The following EFEMP1 variants were observed in gnomAD, a reference collection of about 807,000 sequenced individuals.
EFEMP1 encodes the protein EGF-like fibulin extracellular matrix protein 1.
Under a neutral mutation model 65.7 loss-of-function variants are expected in EFEMP1, and 18 were observed. That is an observed-to-expected ratio of 0.27 (90% CI 0.19 to 0.41). EFEMP1 has a LOEUF of 0.41. EFEMP1 is among the 10% of genes least tolerant of loss of function. EFEMP1 has a pLI of 1.00. For synonymous variants in EFEMP1, 237 were observed against 219.7 expected (o/e 1.08, Z -0.70); for missense variants, 469 against 624.8 (o/e 0.75, Z 2.66).
At chr2:55,884,552 T>TTTTTGCCAAAAG (rs1379692795) in intron 5 of EFEMP1, among the ~76,000 whole-genome samples, 1 of 152,208 alleles carries the variant, frequency 6.6e-6, no homozygotes, top group African/African-American at 2.4e-5. Context: ...CTTCCCATAG[T>TTTTTGCCAAAAG]GCAAACACAG....
At chr2:55,920,324 A>T (rs1670869509) in intron 3 of EFEMP1, among the ~76,000 whole-genome samples, 1 of 152,230 alleles carries the variant, frequency 6.6e-6, no homozygotes, top group Non-Finnish European at 1.5e-5. Flanking sequence ...AATCTGTATA[A>T]TAGTATCATT....
chr2:55,907,779 C>T (rs1670336013), intron 5 of EFEMP1, among the ~76,000 whole-genome samples: 1 of 152,206 alleles, frequency 6.6e-6, no homozygotes. Flanking sequence ...TGTGGCTTCA[C>T]TCAAGGGAGT....
At chr2:55,916,711 G>A (rs1295932806) in intron 5 of EFEMP1, among the ~76,000 whole-genome samples, 2 of 152,168 alleles carry the variant, frequency 1.3e-5, no homozygotes, top group African/African-American at 4.8e-5. Context: ...TCAGCCTCTG[G>A]CAGGGAGAAA....
At position 55,873,906 on chromosome 2, in the gene EFEMP1, T is replaced by C. The variant is rs1356724053; in HGVS notation, c.1000+1040A>G. On this transcript the variant is annotated intron_variant, in intron 9 of 11. Transcript: ENST00000355426. This position sits in a 1 kb window ranked among gnomAD's most constrained non-coding sequence, Gnocchi z 4.6. Reference sequence around the variant, plus strand: ...AGGATCTTTATTGTCCTTGTGTGCCTTCACTCCAACTCTGATTAAAAAGGA... The same window carrying C: ...AGGATCTTTATTGTCCTTGTGTGCCCTCACTCCAACTCTGATTAAAAAGGA... Among the ~76,000 whole-genome samples, 1 of 151,842 alleles carries C rather than the reference T, an allele frequency of 6.6e-6. No individual in the cohort carries two copies. The highest frequency in any genetic ancestry group is 2.4e-5 in the African/African-American group (1 of 41,426).
intron 5 of EFEMP1, among the ~76,000 whole-genome samples, chr2:55,895,197 C>T (rs1435109087): frequency 6.6e-6 from 1 of 152,220 alleles, no homozygotes; most frequent in Non-Finnish European, 1.5e-5. Context: ...CCCAGGGCTC[C>T]AAGACCTGCC....
At chr2:55,875,459 T>C (rs1040234847) in intron 8 of EFEMP1, among the ~76,000 whole-genome samples, 4 of 151,784 alleles carry the variant, frequency 2.6e-5, no homozygotes, top group Non-Finnish European at 5.9e-5. Context: ...AATTCTGAAA[T>C]AGAAATACAA....
chr2:55,904,256 GT>G (rs1670155002), intron 5 of EFEMP1, among the ~76,000 whole-genome samples: 1 of 152,160 alleles, frequency 6.6e-6, no homozygotes, highest in Non-Finnish European at 1.5e-5. Flanking sequence ...AATAGCTTGA[GT>G]TTTTCATGAT....
At chr2:55,898,428 G>T (rs1462909188) in intron 5 of EFEMP1, among the ~76,000 whole-genome samples, 2 of 151,986 alleles carry the variant, frequency 1.3e-5, no homozygotes, top group African/African-American at 4.8e-5. Flanking sequence ...CCAGAAAATA[G>T]TCCTTACGTA....
intron 11 of EFEMP1, among the ~76,000 whole-genome samples, chr2:55,868,416 G>C (rs556357119): frequency 5.9e-5 from 9 of 152,244 alleles, no homozygotes; most frequent in Admixed American, 4.6e-4. Flanking sequence ...GGGCTATGAA[G>C]AATAATAGTA....
intron 5 of EFEMP1, among the ~76,000 whole-genome samples, chr2:55,901,346 G>A (rs1400367544): frequency 2.6e-5 from 4 of 152,222 alleles, no homozygotes; most frequent in African/African-American, 9.6e-5. Flanking sequence ...AAAATTACTT[G>A]TTGAGTGGAG....
At chr2:55,894,095 T>A (rs1669727852) in intron 5 of EFEMP1, among the ~76,000 whole-genome samples, 1 of 152,208 alleles carries the variant, frequency 6.6e-6, no homozygotes, top group South Asian at 2.1e-4. Flanking sequence ...AAAGGACTGT[T>A]GATGGCTACA....
At position 55,922,923 on chromosome 2, in the gene EFEMP1, C is replaced by T. The variant is rs1670956512; in HGVS notation, c.-32G>A. Reference sequence around the variant, plus strand: ...CCTTGAGCTAGCAGAGTTCCTTGCACAGCACAGCAAAAATACCTGTGAGCC... The same window carrying T: ...CCTTGAGCTAGCAGAGTTCCTTGCATAGCACAGCAAAAATACCTGTGAGCC... On this transcript the variant is annotated 5_prime_UTR_variant, in exon 2 of 12. In the 5' UTR this introduces an upstream ATG that the reference lacks. Transcript: ENST00000355426. This position sits in a 1 kb window ranked among gnomAD's most constrained non-coding sequence, Gnocchi z 5.5. 2 of 1,054,558 alleles carry T rather than the reference C, an allele frequency of 1.9e-6. No homozygotes were observed. The allele number at this position is 1,054,558 out of a possible 1,614,324, so 65.3% of individuals were successfully genotyped here.
In EFEMP1 at chr2:55,881,648, G is replaced by C; in HGVS notation, c.604C>G (p.Pro202Ala). The change falls in exon 6 of 12, where the codon CCT (proline) becomes GCT (alanine). Residue 202 changes from proline (P) to alanine (A), a missense_variant. Pro to Ala is a conservative substitution (Grantham distance 27). Coordinates refer to ENST00000355426, the MANE Select transcript of EFEMP1 (RefSeq NM_001039348.3). ...NLRGSFACQC[P>A]PGYQKRGEQC... ...TCCCCTCGCTTCTGATATCCAGGAG[G>C]GCACTGACATGCAAAGGATCCCCGT... 3 of 1,613,830 alleles carry C rather than the reference G, an allele frequency of 1.9e-6. No homozygotes were observed. The highest frequency in any genetic ancestry group is 2.5e-6 in the Non-Finnish European group (3 of 1,179,904).
chr2:55,916,692 T>C (rs900448332), intron 5 of EFEMP1, among the ~76,000 whole-genome samples: 2 of 152,184 alleles, frequency 1.3e-5, no homozygotes, highest in African/African-American at 4.8e-5. Flanking sequence ...CACTATGGGA[T>C]CTACCTAATC....
At chr2:55,879,187 G>T (rs982318837) in intron 6 of EFEMP1, among the ~76,000 whole-genome samples, 1 of 152,142 alleles carries the variant, frequency 6.6e-6, no homozygotes, top group African/African-American at 2.4e-5. Context: ...TTCTCCCCTT[G>T]AGGTGGAGGT....
Position 55,922,215 on chromosome 2 carries a change from T to C in EFEMP1, c.81+145A>G. On this transcript the variant is annotated intron_variant, in intron 3 of 11. Transcript: ENST00000355426. The surrounding 1 kb of genome is among the most constrained non-coding windows in gnomAD (Gnocchi z 5.5). ...CAAGGGGGCAATTTACAACGAATCT[T>C]AGATATGAAGCATGAATGAAGTGTT... is the stretch of plus-strand genomic sequence containing the variant. 1.3e-6 allele frequency: 1 copy of C among 787,170 alleles called. No individual in the cohort carries two copies. Among genetic ancestry groups the C allele is most frequent in the Non-Finnish European group, 2.2e-6 (1 of 463,736 alleles). The allele number at this position is 787,170 out of a possible 1,614,324, so 48.8% of individuals were successfully genotyped here.
At chr2:55,869,491 G>A (rs1668717421) in intron 11 of EFEMP1, among the ~76,000 whole-genome samples, 2 of 151,936 alleles carry the variant, frequency 1.3e-5, no homozygotes, top group African/African-American at 2.4e-5. Flanking sequence ...TTTGCATTGG[G>A]TCTTTCTTTT....
At chr2:55,895,059 C>T (rs1669764833) in intron 5 of EFEMP1, among the ~76,000 whole-genome samples, 1 of 152,212 alleles carries the variant, frequency 6.6e-6, no homozygotes, top group Non-Finnish European at 1.5e-5. Flanking sequence ...GTCTGTGGGC[C>T]CTGGACACTG....
rs1207646581 is a variant in EFEMP1 at position 55,871,192 on chromosome 2, T to C, written c.1001-69A>G. 1.2e-6 allele frequency: 2 copies of C among 1,604,258 alleles called. No homozygotes were observed. The highest frequency in any genetic ancestry group is 1.3e-5 in the African/African-American group (1 of 74,792). The stretch of plus-strand genomic sequence containing the variant: ...AACTGATCTAATTAAATCATATAAC[T>C]GGCAGATTCTGTTTGCAAGGAAGGA... On this transcript the variant is annotated intron_variant, in intron 9 of 11. Coordinates refer to ENST00000355426, the MANE Select transcript of EFEMP1 (RefSeq NM_001039348.3). The surrounding 1 kb of genome is among the most constrained non-coding windows in gnomAD (Gnocchi z 4.2).
Sources: allele counts gnomAD v4.1 joint callset (sites outside exome capture counted in the v4.1 genomes callset), GRCh38; gene constraint gnomAD v4.1.1; non-coding constraint Gnocchi (gnomAD v3.1); transcripts MANE v1.5; gene names NCBI Gene and HGNC (gene_info 2026-07-23, HGNC 2026-07-21).